EVI5L: variants seen among roughly 807,000 people sequenced by gnomAD.
The protein encoded by EVI5L is EVI5-like protein.
A neutral mutation model predicts 106.1 loss-of-function variants in EVI5L; 30 were observed. The observed-to-expected ratio is 0.28, with a 90% CI of 0.21 to 0.38. The LOEUF (loss-of-function observed/expected upper bound fraction) is 0.38. EVI5L is among the 10% of genes least tolerant of loss of function. The pLI, the probability that EVI5L is intolerant of heterozygous loss-of-function variation, is 1.00. For missense variants in EVI5L, 809 were observed against 1,098.0 expected (o/e 0.74, Z 3.72); for synonymous variants, 489 against 483.3 (o/e 1.01, Z -0.15).
chr19:7,849,971 C>T (rs1979154765), intron 5 of EVI5L, 26 bp from the exon 6 acceptor site: 2 of 1,559,596 alleles, frequency 1.3e-6, no homozygotes, highest in South Asian at 1.2e-5. Flanking sequence ...CTGCCCTGAG[C>T]CCCCCCACCT....
At position 7,858,259 on chromosome 19, in the gene EVI5L, G is replaced by A. The variant is rs966220212; in HGVS notation, c.1302G>A (p.Arg434=). Residue 434 remains arginine, a synonymous_variant, in exon 13 of 20, where the codon CGG becomes CGA. Coordinates refer to ENST00000538904, the MANE Select transcript of EVI5L (RefSeq NM_001159944.3). This position sits in a 1 kb window ranked among gnomAD's most constrained non-coding sequence, Gnocchi z 5.7. ...TCAAGCGGGAGCTGGCGGTGGTGCGGCAGCAGTGCAGCTCGGCGGCCGAGG... is the reference window on the plus strand; with the variant it reads ...TCAAGCGGGAGCTGGCGGTGGTGCGACAGCAGTGCAGCTCGGCGGCCGAGG... ...YVIKRELAVV[R]QQCSSAAEDL... is the part of the protein sequence containing the mutation. 4 of 1,557,208 alleles carry A rather than the reference G, an allele frequency of 2.6e-6. No homozygotes were observed. Among genetic ancestry groups the A allele is most frequent in the Middle Eastern group, 1.8e-4 (1 of 5,566 alleles).
chr19:7,833,057 T>A (rs939493448), intron 1 of EVI5L, among the ~76,000 whole-genome samples: 9 of 152,154 alleles, frequency 5.9e-5, no homozygotes, highest in Admixed American at 2.0e-4. Flanking sequence ...CTTCCCAGGA[T>A]GACTGTGAAC....
At chr19:7,853,564 C>T (rs748734429) in intron 10 of EVI5L, 8 of 600,032 alleles carry the variant, frequency 1.3e-5, no homozygotes, top group Non-Finnish European at 2.1e-5. Context: ...GGTCCCTGCC[C>T]CGCTGGGCCG....
chr19:7,863,516 G>A lies in EVI5L; in HGVS notation c.2232G>A (p.Pro744=). The A allele has an allele frequency of 6.3e-7, 1 of 1,593,968 alleles. No homozygotes were observed. The highest frequency in any genetic ancestry group is 8.5e-7 in the Non-Finnish European group (1 of 1,171,256). Residue 744 remains proline (P), a synonymous_variant, in exon 20 of 20, where the codon CCG becomes CCA. Transcript: ENST00000538904. This position sits in a 1 kb window ranked among gnomAD's most constrained non-coding sequence, Gnocchi z 7.7. ...GGCACTTGGACGAGGACTCGCTGCC[G>A]TCGTCGGACGAGGAGCTACTTGGCG... The part of the protein sequence containing the change: ...LARHLDEDSL[P]SSDEELLGVG...
chr19:7,839,623 C>T (rs147708159), intron 1 of EVI5L, among the ~76,000 whole-genome samples: 175 of 152,060 alleles, frequency 1.2e-3, no homozygotes, highest in Non-Finnish European at 1.9e-3. Context: ...GTGGCAGGCG[C>T]CATCAAGACA....
At chr19:7,851,232 G>A (rs1979234869) in intron 6 of EVI5L, among the ~76,000 whole-genome samples, 1 of 152,072 alleles carries the variant, frequency 6.6e-6, no homozygotes, top group Admixed American at 6.5e-5. Context: ...ATCCCTGCCT[G>A]TCCCCCACCC....
rs183294091 is a variant in EVI5L at position 7,857,520 on chromosome 19, G to A, written c.1233+396G>A. On this transcript the variant is annotated intron_variant, in intron 12 of 19. Transcript: ENST00000538904. The surrounding 1 kb of genome is among the most constrained non-coding windows in gnomAD (Gnocchi z 4.5). ...CACACACACACGCACACACACGCCC[G>A]GCCCTCACGCTGCTGCTCTCTGCTC... The A allele has an allele frequency of 1.8e-4, 59 of 324,410 alleles. No homozygotes were observed. Among genetic ancestry groups the A allele is most frequent in the African/African-American group, 1.1e-3 (50 of 46,992 alleles). 20.1% of individuals were successfully genotyped at this position (324,410 alleles called of 1,614,324 possible).
chr19:7,840,157 G>A (rs1385911851), intron 1 of EVI5L, among the ~76,000 whole-genome samples: 4 of 152,174 alleles, frequency 2.6e-5, no homozygotes, highest in Admixed American at 6.5e-5. Flanking sequence ...GAGCATCTCC[G>A]CATGAGGGGC....
Position 7,856,339 on chromosome 19 carries a change from C to T in EVI5L, c.1200+271C>T, listed in dbSNP as rs1158585250. 6.6e-6 allele frequency among the ~76,000 whole-genome samples: 1 copy of T among 152,074 alleles called. No individual in the cohort carries two copies. The highest frequency in any genetic ancestry group is 2.4e-5 in the African/African-American group (1 of 41,402). The stretch of plus-strand genomic sequence containing the variant: ...GAATCCATTTGTGTTCTGTGCCCTC[C>T]CCGGCTGCACAGACGGGGAGGGGTG... On this transcript the variant is annotated intron_variant, in intron 11 of 19. Coordinates refer to ENST00000538904, the MANE Select transcript of EVI5L (RefSeq NM_001159944.3). The surrounding 1 kb of genome is among the most constrained non-coding windows in gnomAD (Gnocchi z 6.6).
At chr19:7,833,050 C>T (rs1978300552) in intron 1 of EVI5L, among the ~76,000 whole-genome samples, 1 of 152,144 alleles carries the variant, frequency 6.6e-6, no homozygotes, top group Non-Finnish European at 1.5e-5. Context: ...ATGAAGGCTT[C>T]CCAGGATGAC....
chr19:7,854,856 C>T (rs550795935), intron 10 of EVI5L, among the ~76,000 whole-genome samples: 15 of 152,298 alleles, frequency 9.8e-5, no homozygotes, highest in Non-Finnish European at 1.6e-4. Flanking sequence ...GTCAAGTCTG[C>T]GGTTCTGTCT....
At chr19:7,842,021 G>A (rs1219150353) in intron 1 of EVI5L, among the ~76,000 whole-genome samples, 1 of 151,708 alleles carries the variant, frequency 6.6e-6, no homozygotes, top group African/African-American at 2.4e-5. Flanking sequence ...GTGTAGATGG[G>A]TGGGAATGAA....
At chr19:7,862,736 G>GC (rs1979891661) in intron 17 of EVI5L, among the ~76,000 whole-genome samples, 3 of 47,942 alleles carry the variant, frequency 6.3e-5, no homozygotes, top group Non-Finnish European at 8.4e-5. Flanking sequence ...CCCGCCTCCT[G>GC]ACCACCCCCC....
At chr19:7,861,527 G>T (rs1259004511) in intron 14 of EVI5L, among the ~76,000 whole-genome samples, 2 of 152,250 alleles carry the variant, frequency 1.3e-5, no homozygotes, top group Non-Finnish European at 2.9e-5. Flanking sequence ...GGGGGCCAGA[G>T]GGCAGACAGG....
chr19:7,843,018 G>T (rs1978721435), intron 1 of EVI5L, among the ~76,000 whole-genome samples: 1 of 151,834 alleles, frequency 6.6e-6, no homozygotes. Flanking sequence ...GTGTATAGGT[G>T]TGTGAGCGTG....
intron 1 of EVI5L, among the ~76,000 whole-genome samples, chr19:7,832,724 C>G (rs541382412): frequency 6.6e-6 from 1 of 152,058 alleles, no homozygotes; most frequent in Non-Finnish European, 1.5e-5. Context: ...GGAGCCAGCT[C>G]GAATCAGAGC....
chr19:7,862,835 C>G (rs1979904831), intron 17 of EVI5L, 137 bp from the exon 18 acceptor site: 1 of 548,970 alleles, frequency 1.8e-6, no homozygotes, highest in Non-Finnish European at 3.0e-6. Flanking sequence ...GCGGTCCCGC[C>G]CCTGCCCGCG....
At chr19:7,831,982 A>G (rs2146407636) in intron 1 of EVI5L, among the ~76,000 whole-genome samples, 1 of 152,394 alleles carries the variant, frequency 6.6e-6, no homozygotes, top group South Asian at 2.1e-4. Context: ...GAAGGGAAAA[A>G]TGTGCTGAAG....
chr19:7,843,449 TGTGTGA>T (rs989225599), intron 1 of EVI5L, among the ~76,000 whole-genome samples: 5 of 144,862 alleles, frequency 3.5e-5, no homozygotes, highest in African/African-American at 1.3e-4. Flanking sequence ...TGTGTATGGG[TGTGTGA>T]GTGTGTGTGA....
Sources: allele counts gnomAD v4.1 joint callset (sites outside exome capture counted in the v4.1 genomes callset), GRCh38; gene constraint gnomAD v4.1.1; non-coding constraint Gnocchi (gnomAD v3.1); transcripts MANE v1.5; gene names NCBI Gene and HGNC (gene_info 2026-07-23, HGNC 2026-07-21).